HECW2: variants seen among roughly 807,000 people sequenced by gnomAD.
HECW2 encodes the protein HECT, C2 and WW domain containing E3 ubiquitin protein ligase 2, also known as E3 ubiquitin-protein ligase HECW2.
A neutral mutation model predicts 175.2 loss-of-function variants in HECW2; 61 were observed. The ratio of observed to expected loss-of-function variants is 0.35; its 90% CI spans 0.28 to 0.43. The LOEUF is 0.43. Ranked by LOEUF, HECW2 falls within the 20% of genes least tolerant of loss-of-function variation. HECW2 has a pLI of 1.00. For synonymous variants in HECW2, 671 were observed against 731.0 expected (o/e 0.92, Z 1.32); for missense variants, 1,524 against 2,000.5 (o/e 0.76, Z 4.54).
In HECW2 at chr2:196,225,960, C is replaced by T. The variant is rs182791549; in HGVS notation, c.3918-90G>A. 141 of 775,312 alleles carry T rather than the reference C, an allele frequency of 1.8e-4. 2 individuals carry two copies. The African/African-American group carries it at 2.0e-3, about 11-fold the overall frequency. The allele number at this position is 775,312 out of a possible 1,614,324, so 48.0% of individuals were successfully genotyped here. A position where few individuals can be genotyped will look rare whatever the true frequency, so the allele number is the denominator to read the frequency against. ...TTTCTAGAATGCCTTCCAGCGCTAA[C>T]CATCTAAATTTTTCCAATATTAATT... On this transcript the variant is annotated intron_variant, in intron 22 of 28. Coordinates refer to ENST00000644978, the MANE Select transcript of HECW2 (RefSeq NM_001348768.2).
At chr2:196,501,767 A>C (rs1441421446) in intron 1 of HECW2, among the ~76,000 whole-genome samples, 5 of 152,340 alleles carry the variant, frequency 3.3e-5, no homozygotes, top group Non-Finnish European at 7.4e-5. Context: ...CTTCTAATTA[A>C]ATTTTAGAAA....
intron 2 of HECW2, among the ~76,000 whole-genome samples, chr2:196,408,929 T>A (rs1408631753): frequency 6.6e-6 from 1 of 152,218 alleles, no homozygotes; most frequent in East Asian, 1.9e-4. Flanking sequence ...GTCACTGATA[T>A]GCTACCAACA....
At chr2:196,376,867 G>A (rs1363389771) in intron 2 of HECW2, among the ~76,000 whole-genome samples, 1 of 150,420 alleles carries the variant, frequency 6.6e-6, no homozygotes, top group Non-Finnish European at 1.5e-5. Flanking sequence ...GGGAGGTGGA[G>A]GTTGCAGTGA....
At chr2:196,507,315 T>C (rs115706865) in intron 1 of HECW2, among the ~76,000 whole-genome samples, 2,206 of 152,036 alleles carry the variant, frequency 0.015, 22 homozygotes, top group Admixed American at 0.028. Flanking sequence ...ATACCCAACA[T>C]ATACAGAGAA....
intron 1 of HECW2, among the ~76,000 whole-genome samples, chr2:196,498,251 GCTT>G (rs1463571416): frequency 3.9e-5 from 6 of 152,040 alleles, no homozygotes; most frequent in Non-Finnish European, 7.4e-5. Flanking sequence ...TAACATAAGT[GCTT>G]TTTTCATTTA....
intron 1 of HECW2, among the ~76,000 whole-genome samples, chr2:196,439,626 G>A (rs1175350886): frequency 6.6e-6 from 1 of 152,140 alleles, no homozygotes; most frequent in African/African-American, 2.4e-5. Flanking sequence ...CCAGCGACGG[G>A]ACAGTGTAAG....
At chr2:196,456,166 CTTCT>C (rs1402321337) in intron 1 of HECW2, among the ~76,000 whole-genome samples, 1 of 152,106 alleles carries the variant, frequency 6.6e-6, no homozygotes, top group East Asian at 1.9e-4. Flanking sequence ...CATTTAAGCT[CTTCT>C]TTAAGTTAAA....
At chr2:196,430,729 T>A (rs562077738) in intron 2 of HECW2, among the ~76,000 whole-genome samples, 1 of 151,806 alleles carries the variant, frequency 6.6e-6, no homozygotes, top group Non-Finnish European at 1.5e-5. Context: ...TAAATAGAAA[T>A]TATCAAATTT....
At chr2:196,516,799 C>T (rs1304199383) in intron 1 of HECW2, among the ~76,000 whole-genome samples, 10 of 152,090 alleles carry the variant, frequency 6.6e-5, no homozygotes, top group Admixed American at 4.6e-4. Context: ...AAAGTCATTG[C>T]GAGATGAGCT....
chr2:196,489,194 T>C (rs765664917), intron 1 of HECW2, among the ~76,000 whole-genome samples: 1 of 152,166 alleles, frequency 6.6e-6, no homozygotes, highest in African/African-American at 2.4e-5. Flanking sequence ...CATAAATTAG[T>C]AGGCTTATAG....
chr2:196,204,117 G>C (rs764789419), intron 28 of HECW2, among the ~76,000 whole-genome samples: 5 of 152,044 alleles, frequency 3.3e-5, no homozygotes, highest in Non-Finnish European at 7.4e-5. Flanking sequence ...TAATGAACAG[G>C]AGTTTTTTTC....
rs1272706616 is a variant in HECW2 at position 196,325,157 on chromosome 2, G to C, written c.572-8C>G. On this transcript the variant is annotated splice_polypyrimidine_tract_variant and splice_region_variant and intron_variant, in intron 5 of 28. Transcript: ENST00000644978. ...GCCCAACTGCCCTAAGATCTTTAAA[G>C]AAAGAGGGAGAAGGAGGGAGGGACA... 1 of 1,564,490 alleles carries C rather than the reference G, an allele frequency of 6.4e-7. No individual in the cohort carries two copies. The highest frequency in any genetic ancestry group is 2.3e-5 in the East Asian group (1 of 43,680).
At chr2:196,583,787 A>C (rs993424190) in intron 1 of HECW2, among the ~76,000 whole-genome samples, 3 of 152,254 alleles carry the variant, frequency 2.0e-5, no homozygotes, top group Non-Finnish European at 4.4e-5. Flanking sequence ...TGGTTATTGA[A>C]TATTCACTAT....
At chr2:196,209,767 T>TTC (rs932844109) in intron 28 of HECW2, among the ~76,000 whole-genome samples, 7 of 60,260 alleles carry the variant, frequency 1.2e-4, no homozygotes, top group East Asian at 1.1e-3. Context: ...CTTTCTTTCT[T>TTC]TTTTTTTTTT....
intron 1 of HECW2, among the ~76,000 whole-genome samples, chr2:196,463,414 A>G (rs1696824972): frequency 6.6e-6 from 1 of 151,872 alleles, no homozygotes; most frequent in Non-Finnish European, 1.5e-5. Context: ...GCAAAAAAAA[A>G]AAAAAAGAAA....
chr2:196,344,322 GAAAAAA>G (rs60573890), intron 2 of HECW2, among the ~76,000 whole-genome samples: 13 of 67,658 alleles, frequency 1.9e-4, no homozygotes, highest in African/African-American at 1.3e-4. Context: ...GACAAGATAA[GAAAAAA>G]AAAAAAAAAA....
chr2:196,566,668 G>GACTAC (rs948575198), intron 1 of HECW2, among the ~76,000 whole-genome samples: 31 of 149,710 alleles, frequency 2.1e-4, no homozygotes, highest in Non-Finnish European at 3.3e-4. Context: ...GAGTAGCCAG[G>GACTAC]ACTACAGGTG....
Position 196,558,613 on chromosome 2 carries a change from C to T in HECW2, c.-36+34895G>A, listed in dbSNP as rs1689888436. ...TTGTTTTAAGCACGTAGTCCCTTTT[C>T]CTTGATTCTAGCTGACATGTTGGCG... is the stretch of plus-strand genomic sequence containing the variant. On this transcript the variant is annotated intron_variant, in intron 1 of 28. Transcript: ENST00000644978. Among the ~76,000 whole-genome samples the T allele has an allele frequency of 2.6e-5, 4 of 152,220 alleles. No individual in the cohort carries two copies. In the South Asian group the frequency reaches 8.3e-4, roughly 31 times the overall value.
chr2:196,264,310 T>C (rs1435466205), intron 17 of HECW2: 1 of 152,224 alleles, frequency 6.6e-6, no homozygotes, highest in African/African-American at 2.4e-5. Context: ...CCACAGACAG[T>C]CCAAGTCTAA....
Sources: gnomAD v4.1 joint callset for allele counts (sites outside exome capture counted in the v4.1 genomes callset) on GRCh38, gnomAD v4.1.1 for gene constraint, MANE v1.5 for transcripts, NCBI Gene and HGNC (gene_info 2026-07-23, HGNC 2026-07-21) for gene names.